Variants in RAB27B observed in about 807,000 individuals in gnomAD.
RAB27B encodes RAB27B, member RAS oncogene family.
Under a neutral mutation model 24.6 loss-of-function variants are expected in RAB27B, and 15 were observed. That is an observed-to-expected ratio of 0.61 (90% CI 0.41 to 0.94). The LOEUF is 0.94. RAB27B is among the 40% of genes least tolerant of loss of function. RAB27B has a pLI of 0.00. For synonymous variants in RAB27B, 105 were observed against 92.5 expected, an observed-to-expected ratio of 1.14 and a Z score of -0.78; for missense variants, 261 against 266.8, an observed-to-expected ratio of 0.98 and a Z score of 0.15.
At chr18:54,759,025 T>C (rs1260305370) in intron 2 of RAB27B, among the ~76,000 whole-genome samples, 1 of 152,214 alleles carries the variant, frequency 6.6e-6, no homozygotes, top group Non-Finnish European at 1.5e-5. Context: ...AAACATTTCC[T>C]TTTAATTTTT....
In RAB27B at chr18:54,835,475, T is replaced by G. The variant is rs1309113987; in HGVS notation, c.-20+6775T>G. Among the ~76,000 whole-genome samples the G allele has an allele frequency of 2.0e-5, 3 of 152,006 alleles. No individual in the cohort carries two copies. In the East Asian group the frequency reaches 5.8e-4, roughly 29 times the overall value. On this transcript the variant is annotated intron_variant, in intron 1 of 5. Coordinates refer to ENST00000262094, the MANE Select transcript of RAB27B (RefSeq NM_004163.4). ...CTTTGATCTTAATCTTCCTAAGGTT[T>G]GTAATACCTATTCTCAAATACTGCC...
chr18:54,857,561 A>G (rs907252305), intron 1 of RAB27B, among the ~76,000 whole-genome samples: 7 of 152,250 alleles, frequency 4.6e-5, no homozygotes, highest in African/African-American at 1.7e-4. Context: ...CAAAATAGGC[A>G]TATCTTCTGA....
chr18:54,819,629 A>T (rs927123955), intron 2 of RAB27B, among the ~76,000 whole-genome samples: 2 of 151,852 alleles, frequency 1.3e-5, no homozygotes, highest in Non-Finnish European at 1.5e-5. Flanking sequence ...TATTATACTT[A>T]AAGTATAAAA....
chr18:54,876,590 G>A (rs935216141), intron 1 of RAB27B, among the ~76,000 whole-genome samples: 1 of 151,930 alleles, frequency 6.6e-6, no homozygotes, highest in Non-Finnish European at 1.5e-5. Context: ...CAACTCAGGA[G>A]TGGAGATTTC....
At chr18:54,835,872 C>T (rs1195404465) in intron 1 of RAB27B, among the ~76,000 whole-genome samples, 2 of 151,916 alleles carry the variant, frequency 1.3e-5, no homozygotes, top group Non-Finnish European at 2.9e-5. Flanking sequence ...TTTCACTTAC[C>T]TACTAGGAAA....
At chr18:54,770,194 A>T (rs1908498354) in intron 2 of RAB27B, among the ~76,000 whole-genome samples, 1 of 152,180 alleles carries the variant, frequency 6.6e-6, no homozygotes, top group African/African-American at 2.4e-5. Flanking sequence ...AACACCTGGG[A>T]CATGGACTGC....
chr18:54,822,326 A>T (rs958196468), intron 2 of RAB27B, among the ~76,000 whole-genome samples: 5 of 152,236 alleles, frequency 3.3e-5, no homozygotes, highest in African/African-American at 1.2e-4. Context: ...GGAATTTAAG[A>T]TGATTTAATA....
chr18:54,846,711 C>T (rs1373410589), intron 1 of RAB27B, among the ~76,000 whole-genome samples: 2 of 152,166 alleles, frequency 1.3e-5, no homozygotes, highest in African/African-American at 4.8e-5. Flanking sequence ...GCAAATATAT[C>T]AGATTTTTGG....
At chr18:54,867,870 C>CCT (rs1211518634) in intron 1 of RAB27B, among the ~76,000 whole-genome samples, 1 of 152,168 alleles carries the variant, frequency 6.6e-6, no homozygotes, top group Non-Finnish European at 1.5e-5. Context: ...AACTTGCCTG[C>CCT]CTCTCTCACC....
At chr18:54,748,308 A>G (rs547078849) in intron 2 of RAB27B, among the ~76,000 whole-genome samples, 23 of 152,286 alleles carry the variant, frequency 1.5e-4, no homozygotes, top group African/African-American at 3.8e-4. Context: ...TTATTGTCGG[A>G]ATTTGATGAT....
rs538324010 is a variant in RAB27B, at chr18:54,723,382, G to A, written c.-20+5241G>A. 8.5e-5 allele frequency among the ~76,000 whole-genome samples: 13 copies of A among 152,266 alleles called. No individual in the cohort carries two copies. In the East Asian group the frequency reaches 2.5e-3, roughly 29 times the overall value. ...TTATGATAATCAACAGTATCAGGTA[G>A]TTATTTTGTCATTTTCTTCAAAAAT... is the stretch of plus-strand genomic sequence containing the variant. On this transcript the variant is annotated intron_variant, in intron 2 of 4. Coordinates refer to the RAB27B transcript ENST00000586570.
chr18:54,866,419 C>T (rs1407588750), intron 1 of RAB27B, among the ~76,000 whole-genome samples: 2 of 152,242 alleles, frequency 1.3e-5, no homozygotes, highest in African/African-American at 4.8e-5. Context: ...CCTCACCCTC[C>T]CTAGTAGCTG....
chr18:54,874,956 A>C (rs1909546541), intron 1 of RAB27B, among the ~76,000 whole-genome samples: 1 of 152,146 alleles, frequency 6.6e-6, no homozygotes. Flanking sequence ...TTCTCTAGCT[A>C]TCTATTTGGG....
chr18:54,881,836 A>G (rs1287872634), intron 3 of RAB27B, among the ~76,000 whole-genome samples: 1 of 152,194 alleles, frequency 6.6e-6, no homozygotes, highest in Non-Finnish European at 1.5e-5. Flanking sequence ...GTTTGCCCCA[A>G]ACAGATCACT....
chr18:54,820,850 C>T (rs1157733601), intron 2 of RAB27B, among the ~76,000 whole-genome samples: 1 of 152,074 alleles, frequency 6.6e-6, no homozygotes, highest in Non-Finnish European at 1.5e-5. Flanking sequence ...GCTAGTTTTC[C>T]CAGCACCATT....
At chr18:54,848,824 C>A (rs563829251) in intron 1 of RAB27B, among the ~76,000 whole-genome samples, 7 of 152,146 alleles carry the variant, frequency 4.6e-5, no homozygotes, top group African/African-American at 1.7e-4. Context: ...AATGTAAACT[C>A]TTTAATTACT....
chr18:54,780,739 G>C (rs1415996820), intron 2 of RAB27B, among the ~76,000 whole-genome samples: 2 of 152,058 alleles, frequency 1.3e-5, no homozygotes, highest in Non-Finnish European at 2.9e-5. Context: ...GGGGGAGGTG[G>C]GACATAAGCC....
intron 2 of RAB27B, among the ~76,000 whole-genome samples, chr18:54,729,482 G>C (rs193151089): frequency 3.6e-4 from 55 of 152,250 alleles, no homozygotes; most frequent in African/African-American, 1.3e-3. Flanking sequence ...GATAAAATTT[G>C]AATGAGTTTA....
chr18:54,860,520 T>C (rs1054493581), intron 1 of RAB27B, among the ~76,000 whole-genome samples: 12 of 152,168 alleles, frequency 7.9e-5, no homozygotes, highest in African/African-American at 2.9e-4. Context: ...GAAGCCCTCC[T>C]GATTATTTCT....
Sources: gnomAD v4.1 joint callset for allele counts (sites outside exome capture counted in the v4.1 genomes callset) on GRCh38, gnomAD v4.1.1 for gene constraint, MANE v1.5 for transcripts, NCBI Gene and HGNC (gene_info 2026-07-23, HGNC 2026-07-21) for gene names.